The following KDM4C variants were observed in gnomAD, a reference collection of about 807,000 sequenced individuals.
KDM4C encodes lysine demethylase 4C.
A neutral mutation model predicts 129.3 loss-of-function variants in KDM4C; 81 were observed. That is an observed-to-expected ratio of 0.63 (90% CI 0.52 to 0.75). The LOEUF is 0.75. Ranked by LOEUF, KDM4C falls within the 30% of genes least tolerant of loss-of-function variation. KDM4C has a pLI of 0.00. For missense variants in KDM4C, 1,457 were observed against 1,304.0 expected, an observed-to-expected ratio of 1.12 and a Z score of -1.81; for synonymous variants, 573 against 456.1, an observed-to-expected ratio of 1.26 and a Z score of -3.26.
intron 8 of KDM4C, among the ~76,000 whole-genome samples, chr9:6,944,069 G>A (rs1244993860): frequency 6.6e-6 from 1 of 152,106 alleles, no homozygotes; most frequent in Admixed American, 6.6e-5. Context: ...TATCTTAAAT[G>A]GGTTACATTA....
intron 8 of KDM4C, chr9:6,924,911 C>T (rs1822202710): frequency 1.0e-6 from 1 of 984,476 alleles, no homozygotes; most frequent in Non-Finnish European, 1.2e-6. Flanking sequence ...GGTCAGAGTA[C>T]AGCCTTTAGT....
At chr9:6,775,092 C>T (rs1822717031) in intron 1 of KDM4C, among the ~76,000 whole-genome samples, 1 of 152,216 alleles carries the variant, frequency 6.6e-6, no homozygotes, top group African/African-American at 2.4e-5. Flanking sequence ...TCTTGTCTCA[C>T]TGCAACCTCT....
rs1166773426 is a variant in KDM4C at position 7,039,826 on chromosome 9, G to A, written c.2260-7036G>A. Among the ~76,000 whole-genome samples the A allele has an allele frequency of 2.6e-5, 4 of 152,054 alleles. No homozygotes were observed. The East Asian group carries it at 7.7e-4, about 29-fold the overall frequency. On this transcript the variant is annotated intron_variant, in intron 15 of 21. Transcript: ENST00000381309. ...AGGAAGAGGATGAGGGGTTGGCCCA[G>A]CTGACTCAGGGGTGGCAGAGTCTAT...
At chr9:6,752,332 CAAAA>C (rs1159747148) in intron 1 of KDM4C, among the ~76,000 whole-genome samples, 1 of 19,258 alleles carries the variant, frequency 5.2e-5, no homozygotes, top group African/African-American at 1.7e-4. Flanking sequence ...AACTCCGTCT[CAAAA>C]AAAAAAAAAA....
intron 1 of KDM4C, among the ~76,000 whole-genome samples, chr9:6,787,753 G>T (rs1171621702): frequency 6.6e-6 from 1 of 152,204 alleles, no homozygotes; most frequent in Non-Finnish European, 1.5e-5. Context: ...ACAAGAGCCA[G>T]AATGTGATTT....
chr9:6,942,578 G>A (rs1438563878), intron 8 of KDM4C: 2 of 152,154 alleles, frequency 1.3e-5, no homozygotes, highest in African/African-American at 4.8e-5. Context: ...TGGCTTGAAT[G>A]CAATATAGGC....
chr9:6,837,633 T>C (rs1017267838), intron 4 of KDM4C, among the ~76,000 whole-genome samples: 8 of 152,330 alleles, frequency 5.3e-5, no homozygotes, highest in African/African-American at 1.9e-4. Flanking sequence ...TTATCGGCCA[T>C]TCATATTCCT....
At chr9:6,865,561 C>G (rs1271548087) in intron 5 of KDM4C, among the ~76,000 whole-genome samples, 1 of 151,908 alleles carries the variant, frequency 6.6e-6, no homozygotes, top group Non-Finnish European at 1.5e-5. Context: ...TCTCAGTCTT[C>G]TCTCTTCTTT....
chr9:6,851,467 G>T (rs1165078669), intron 5 of KDM4C, among the ~76,000 whole-genome samples: 1 of 152,110 alleles, frequency 6.6e-6, no homozygotes, highest in African/African-American at 2.4e-5. Context: ...CAGCTGCTTT[G>T]TTATCTTGAT....
At chr9:6,823,275 C>T (rs1833336067) in intron 4 of KDM4C, among the ~76,000 whole-genome samples, 1 of 152,202 alleles carries the variant, frequency 6.6e-6, no homozygotes, top group African/African-American at 2.4e-5. Flanking sequence ...ACATGCAGGT[C>T]AGTCTTCAGT....
intron 12 of KDM4C, among the ~76,000 whole-genome samples, chr9:7,008,827 A>C (rs565303735): frequency 9.4e-4 from 143 of 152,334 alleles, no homozygotes; most frequent in Middle Eastern, 3.4e-3. Flanking sequence ...TTCCAGGAGC[A>C]AGCCTACCCT....
chr9:6,764,262 A>G (rs1314761218), intron 1 of KDM4C, among the ~76,000 whole-genome samples: 1 of 152,226 alleles, frequency 6.6e-6, no homozygotes, highest in Non-Finnish European at 1.5e-5. Context: ...AACAGAATAT[A>G]GCATTAGATA....
At chr9:7,078,099 T>G (rs1191729466) in intron 17 of KDM4C, among the ~76,000 whole-genome samples, 1 of 152,218 alleles carries the variant, frequency 6.6e-6, no homozygotes, top group East Asian at 1.9e-4. Flanking sequence ...ATTTATTTAT[T>G]TATTTTTTAA....
chr9:6,815,011 T>G (rs542345063), intron 4 of KDM4C: 41 of 272,586 alleles, frequency 1.5e-4, no homozygotes, highest in Admixed American at 7.4e-4. Flanking sequence ...TAAAACTTTT[T>G]AAAGCAAAAA....
At chr9:7,130,314 C>T (rs1469463436) in intron 19 of KDM4C, among the ~76,000 whole-genome samples, 1 of 152,190 alleles carries the variant, frequency 6.6e-6, no homozygotes, top group African/African-American at 2.4e-5. Flanking sequence ...TTCTCTTTTA[C>T]ATCATAAGCC....
At chr9:6,748,421 C>A (rs949836344) in intron 1 of KDM4C, among the ~76,000 whole-genome samples, 3 of 151,248 alleles carry the variant, frequency 2.0e-5, no homozygotes, top group Non-Finnish European at 4.4e-5. Context: ...GCAGGAGAAT[C>A]GCTTGAACCT....
chr9:6,904,524 T>C (rs1321077813), intron 8 of KDM4C, among the ~76,000 whole-genome samples: 3 of 152,092 alleles, frequency 2.0e-5, no homozygotes, highest in Non-Finnish European at 2.9e-5. Context: ...ATGGCTCTGT[T>C]TGCATTCCCT....
chr9:7,090,946 G>A (rs1215574653), intron 17 of KDM4C, among the ~76,000 whole-genome samples: 1 of 152,186 alleles, frequency 6.6e-6, no homozygotes, highest in East Asian at 1.9e-4. Flanking sequence ...TCCTATTCAT[G>A]TCCATTATGT....
At chr9:6,877,612 A>C (rs1402962042) in intron 5 of KDM4C, among the ~76,000 whole-genome samples, 12 of 152,204 alleles carry the variant, frequency 7.9e-5, no homozygotes, top group Admixed American at 7.2e-4. Flanking sequence ...TGATTAAAAG[A>C]ATAGTAGTAT....
Sources: gnomAD v4.1 joint callset for allele counts (sites outside exome capture counted in the v4.1 genomes callset) on GRCh38, gnomAD v4.1.1 for gene constraint, MANE v1.5 for transcripts, NCBI Gene and HGNC (gene_info 2026-07-23, HGNC 2026-07-21) for gene names.